Variants in STK33 observed in about 807,000 individuals in gnomAD.
STK33 encodes the protein serine/threonine-protein kinase 33.
STK33 carries 52 observed loss-of-function variants against 58.0 expected under a neutral mutation model. That is an observed-to-expected ratio of 0.90 (90% CI 0.72 to 1.13). STK33 has a LOEUF of 1.13. Among genes scored for constraint, STK33 ranks in the 50% most tolerant of loss-of-function variants. The pLI, the probability that STK33 is intolerant of heterozygous loss-of-function variation, is 0.00. For missense variants in STK33, 630 were observed against 604.2 expected (o/e 1.04, Z -0.45); for synonymous variants, 215 against 200.1 (o/e 1.07, Z -0.63).
intron 1 of STK33, among the ~76,000 whole-genome samples, chr11:8,578,108 C>CAT (rs2141277521): frequency 6.6e-6 from 1 of 152,204 alleles, no homozygotes; most frequent in Non-Finnish European, 1.5e-5. Context: ...CCAACCCATA[C>CAT]ATATATATAC....
At chr11:8,394,922 T>C in intron 15 of STK33, among the ~76,000 whole-genome samples, 1 of 152,192 alleles carries the variant, frequency 6.6e-6, no homozygotes, top group East Asian at 1.9e-4. Context: ...TGATTAAATA[T>C]TCACAATGTT....
At chr11:8,540,295 C>T (rs1174470759) in intron 1 of STK33, among the ~76,000 whole-genome samples, 10 of 146,358 alleles carry the variant, frequency 6.8e-5, no homozygotes, top group Non-Finnish European at 1.1e-4. Flanking sequence ...AGGCAAACAA[C>T]ATAGTGATAA....
chr11:8,505,002 C>G (rs1951770574), intron 1 of STK33, among the ~76,000 whole-genome samples: 2 of 152,138 alleles, frequency 1.3e-5, no homozygotes, highest in African/African-American at 4.8e-5. Flanking sequence ...AACTCCACAG[C>G]AGTGATGGCA....
chr11:8,459,756 G>A (rs533678173), intron 8 of STK33, among the ~76,000 whole-genome samples: 9 of 152,236 alleles, frequency 5.9e-5, no homozygotes, highest in African/African-American at 2.2e-4. Context: ...AAGTTCACAG[G>A]ACGGAGCATC....
chr11:8,574,344 G>C (rs892086814), intron 1 of STK33, among the ~76,000 whole-genome samples: 6 of 152,072 alleles, frequency 3.9e-5, no homozygotes, highest in African/African-American at 1.4e-4. Flanking sequence ...GAGTCTCCCT[G>C]TGTATTTATT....
rs540171660 is a variant in STK33, at chr11:8,473,218, T to C, written c.284A>G (p.Asn95Ser). The C allele has an allele frequency of 8.7e-6, 14 of 1,613,686 alleles. No individual in the cohort carries two copies. The Admixed American group carries it at 1.2e-4, about 13-fold the overall frequency. Residue 95 changes from asparagine to serine, a missense_variant, in exon 6 of 16, where the codon AAC becomes AGC. Coordinates refer to ENST00000687296, the MANE Select transcript of STK33 (RefSeq NM_001352389.2). ...GTGAGGAACTTTTCCTTCTGTAAAG[T>C]TGCCCCGACCCCATTGTTGCTGAGA... The part of the protein sequence containing the change: ...KASQQQWGRG[N>S]FTEGKVPHIR...
intron 7 of STK33, among the ~76,000 whole-genome samples, chr11:8,463,808 C>A (rs1222486246): frequency 3.3e-5 from 5 of 151,988 alleles, no homozygotes; most frequent in African/African-American, 7.3e-5. Flanking sequence ...AGTTATATAA[C>A]CCAAAAACTG....
chr11:8,471,960 C>CT (rs1476396881), intron 6 of STK33, among the ~76,000 whole-genome samples: 1 of 152,156 alleles, frequency 6.6e-6, no homozygotes, highest in African/African-American at 2.4e-5. Context: ...AGGTCTCACT[C>CT]TGTCGCCCAG....
chr11:8,582,606 C>A (rs1400283391), intron 1 of STK33, among the ~76,000 whole-genome samples: 1 of 152,182 alleles, frequency 6.6e-6, no homozygotes, highest in Non-Finnish European at 1.5e-5. Context: ...ATTACCTCCA[C>A]CTGGTCTCTC....
intron 1 of STK33, among the ~76,000 whole-genome samples, chr11:8,560,486 A>G (rs1215120350): frequency 6.6e-6 from 1 of 152,046 alleles, no homozygotes; most frequent in Non-Finnish European, 1.5e-5. Flanking sequence ...AACATATTGC[A>G]ATTATTCTCC....
chr11:8,486,809 G>C (rs1016438857), intron 1 of STK33, among the ~76,000 whole-genome samples: 4 of 152,192 alleles, frequency 2.6e-5, no homozygotes, highest in African/African-American at 9.7e-5. Context: ...CCTTAACTAG[G>C]AAAGCAGAAT....
chr11:8,377,910 T>C, the STK33 span, among the ~76,000 whole-genome samples: 1 of 152,022 alleles, frequency 6.6e-6, no homozygotes, highest in Non-Finnish European at 1.5e-5. Context: ...AGGTAAAAGA[T>C]CCCTACAAAG....
intron 1 of STK33, among the ~76,000 whole-genome samples, chr11:8,586,089 T>G (rs1227703084): frequency 6.6e-6 from 1 of 151,726 alleles, no homozygotes; most frequent in African/African-American, 2.4e-5. Flanking sequence ...TGGCAGTGCA[T>G]GCTTGTGCTC....
At chr11:8,424,581 T>C (rs1000512739) in intron 14 of STK33, among the ~76,000 whole-genome samples, 6 of 151,704 alleles carry the variant, frequency 4.0e-5, no homozygotes, top group African/African-American at 9.7e-5. Context: ...TCCACAATGG[T>C]TGAACTAGTT....
intron 14 of STK33, among the ~76,000 whole-genome samples, chr11:8,433,201 G>A (rs1943620957): frequency 1.3e-5 from 2 of 152,142 alleles, no homozygotes; most frequent in South Asian, 4.1e-4. Flanking sequence ...ACACATTCAT[G>A]GAAGAGGGCA....
chr11:8,418,626 T>C (rs960531999), intron 14 of STK33, among the ~76,000 whole-genome samples: 4 of 152,210 alleles, frequency 2.6e-5, no homozygotes, highest in Non-Finnish European at 4.4e-5. Flanking sequence ...CTGAGATAAA[T>C]GGTAGTTCTG....
chr11:8,388,818 G>T (rs749171663), downstream of STK33, among the ~76,000 whole-genome samples: 1 of 152,196 alleles, frequency 6.6e-6, no homozygotes, highest in African/African-American at 2.4e-5. Context: ...TTTCAGGTTC[G>T]GTATCGGGCA....
intron 1 of STK33, among the ~76,000 whole-genome samples, chr11:8,516,194 C>T (rs761581606): frequency 1.3e-5 from 2 of 152,106 alleles, no homozygotes; most frequent in Non-Finnish European, 2.9e-5. Context: ...TATAATACTG[C>T]CATAAAGATA....
At chr11:8,367,520 AT>A in the STK33 span, among the ~76,000 whole-genome samples, 1 of 152,198 alleles carries the variant, frequency 6.6e-6, no homozygotes, top group African/African-American at 2.4e-5. Flanking sequence ...CATGGACCTG[AT>A]GCTGCCTGAA....
Sources: gnomAD v4.1 joint callset for allele counts (sites outside exome capture counted in the v4.1 genomes callset) on GRCh38, gnomAD v4.1.1 for gene constraint, MANE v1.5 for transcripts, NCBI Gene and HGNC (gene_info 2026-07-23, HGNC 2026-07-21) for gene names.